Variants in DPYD observed in about 807,000 individuals in gnomAD.
DPYD encodes the protein dihydropyrimidine dehydrogenase.
Under a neutral mutation model 116.2 loss-of-function variants are expected in DPYD, and 109 were observed. The observed-to-expected ratio is 0.94, with a 90% CI of 0.80 to 1.10. The LOEUF (loss-of-function observed/expected upper bound fraction) is 1.10. Among genes scored for constraint, DPYD ranks in the 50% least tolerant of loss-of-function variants. The pLI is 0.00. For missense variants in DPYD, 1,302 were observed against 1,254.5 expected, an observed-to-expected ratio of 1.04 and a Z score of -0.57; for synonymous variants, 440 against 432.0, an observed-to-expected ratio of 1.02 and a Z score of -0.23.
chr1:97,556,048 G>C (rs1273887120), intron 11 of DPYD, among the ~76,000 whole-genome samples: 1 of 152,148 alleles, frequency 6.6e-6, no homozygotes, highest in Non-Finnish European at 1.5e-5. Flanking sequence ...TGATCATCTT[G>C]CTTCAGAGCC....
chr1:97,259,081 A>G (rs1663701021), intron 18 of DPYD, among the ~76,000 whole-genome samples: 1 of 152,110 alleles, frequency 6.6e-6, no homozygotes, highest in Non-Finnish European at 1.5e-5. Context: ...ACCTGAGGCT[A>G]ACTGGATGGA....
intron 18 of DPYD, among the ~76,000 whole-genome samples, chr1:97,249,140 A>G (rs573548315): frequency 6.6e-6 from 1 of 152,314 alleles, no homozygotes; most frequent in Admixed American, 6.5e-5. Flanking sequence ...TAGATTAGCA[A>G]AAACAATCAG....
intron 20 of DPYD, among the ~76,000 whole-genome samples, chr1:97,122,735 T>G (rs1453836820): frequency 1.3e-5 from 2 of 152,148 alleles, no homozygotes; most frequent in Admixed American, 1.3e-4. Flanking sequence ...AAAATGTTGC[T>G]TTAATCTTTC....
chr1:97,445,453 A>G (rs999798428), intron 14 of DPYD, among the ~76,000 whole-genome samples: 2 of 152,154 alleles, frequency 1.3e-5, no homozygotes, highest in Non-Finnish European at 2.9e-5. Flanking sequence ...ATAACCTAAT[A>G]TGTAACTTAA....
chr1:97,242,632 T>C (rs76859231), intron 18 of DPYD, among the ~76,000 whole-genome samples: 9,046 of 151,808 alleles, frequency 0.06, 370 homozygotes, highest in Middle Eastern at 0.12. Flanking sequence ...GGTGTTATAA[T>C]TTACTTCTGT....
chr1:97,451,459 C>A (rs1446210962), intron 13 of DPYD, among the ~76,000 whole-genome samples: 1 of 152,154 alleles, frequency 6.6e-6, no homozygotes, highest in East Asian at 1.9e-4. Context: ...ATAAATGTTA[C>A]AATAAGCCTC....
At chr1:97,594,336 A>C (rs567594588) in intron 9 of DPYD, among the ~76,000 whole-genome samples, 2 of 152,282 alleles carry the variant, frequency 1.3e-5, no homozygotes, top group African/African-American at 4.8e-5. Context: ...ACTGAGAGGC[A>C]GAAGGTGGAG....
At chr1:97,776,860 A>G (rs940011621) in intron 3 of DPYD, among the ~76,000 whole-genome samples, 1 of 152,118 alleles carries the variant, frequency 6.6e-6, no homozygotes, top group Admixed American at 6.6e-5. Flanking sequence ...TACTTAGTGT[A>G]TTTTTCTTTA....
At chr1:97,786,672 C>CTGA (rs1439376390) in intron 3 of DPYD, among the ~76,000 whole-genome samples, 3 of 152,192 alleles carry the variant, frequency 2.0e-5, no homozygotes, top group Non-Finnish European at 1.5e-5. Context: ...ACCTAAAGAG[C>CTGA]AGCACTATTT....
intron 18 of DPYD, among the ~76,000 whole-genome samples, chr1:97,257,467 A>AGAGAGAGAGC (rs1663572364): frequency 6.6e-6 from 1 of 150,540 alleles, no homozygotes; most frequent in African/African-American, 2.4e-5. Flanking sequence ...AGAGAGAAAG[A>AGAGAGAGAGC]GAGAGAGAGC....
At chr1:97,832,171 A>G (rs1257932993) in intron 2 of DPYD, among the ~76,000 whole-genome samples, 3 of 151,370 alleles carry the variant, frequency 2.0e-5, no homozygotes, top group Non-Finnish European at 4.4e-5. Flanking sequence ...TTTAATCTGC[A>G]TGACAACCAT....
chr1:97,484,688 T>C (rs547631791), intron 13 of DPYD, among the ~76,000 whole-genome samples: 2 of 152,358 alleles, frequency 1.3e-5, no homozygotes, highest in South Asian at 4.1e-4. Flanking sequence ...TTTTCAGTTC[T>C]GTCATTTTGT....
intron 3 of DPYD, among the ~76,000 whole-genome samples, chr1:97,775,395 C>T (rs1423455410): frequency 6.6e-6 from 1 of 152,088 alleles, no homozygotes; most frequent in Non-Finnish European, 1.5e-5. Context: ...CTCTTGGTAA[C>T]CTATCTGTCC....
chr1:97,320,271 T>G (rs1008887146), intron 16 of DPYD, among the ~76,000 whole-genome samples: 10 of 143,776 alleles, frequency 7.0e-5, no homozygotes, highest in African/African-American at 2.6e-4. Flanking sequence ...GGTATTCAAC[T>G]AGGAAAAGAG....
At chr1:97,582,782 G>A (rs1001735167) in intron 10 of DPYD, among the ~76,000 whole-genome samples, 2 of 152,138 alleles carry the variant, frequency 1.3e-5, no homozygotes, top group Non-Finnish European at 2.9e-5. Context: ...TTAACCAAAT[G>A]AGAGTTGTAC....
intron 18 of DPYD, among the ~76,000 whole-genome samples, chr1:97,277,641 A>G (rs1369058741): frequency 6.6e-6 from 1 of 152,118 alleles, no homozygotes; most frequent in Non-Finnish European, 1.5e-5. Context: ...TATTCTGAAC[A>G]CAACATTCTC....
At chr1:97,614,350 G>A (rs1571063060) in intron 8 of DPYD, among the ~76,000 whole-genome samples, 1 of 152,026 alleles carries the variant, frequency 6.6e-6, no homozygotes, top group African/African-American at 2.4e-5. Flanking sequence ...CTTTTACTCT[G>A]TGTTTTCAGT....
At chr1:97,133,279 A>G (rs930005779) in intron 20 of DPYD, among the ~76,000 whole-genome samples, 1 of 152,060 alleles carries the variant, frequency 6.6e-6, no homozygotes, top group Non-Finnish European at 1.5e-5. Flanking sequence ...AAGCAGATAA[A>G]TATATTTTTG....
At chr1:97,694,002 G>A (rs10875102) in intron 6 of DPYD, among the ~76,000 whole-genome samples, 66,176 of 152,090 alleles carry the variant, frequency 0.44, 16,099 homozygotes, top group East Asian at 0.68. Flanking sequence ...AGACACCTGA[G>A]AAAGGAGGAA....
Sources: allele counts gnomAD v4.1 joint callset (sites outside exome capture counted in the v4.1 genomes callset), GRCh38; gene constraint gnomAD v4.1.1; transcripts MANE v1.5; gene names NCBI Gene and HGNC (gene_info 2026-07-23, HGNC 2026-07-21).